Variants in WWC1 observed in about 807,000 individuals in gnomAD.
WWC1 encodes WW and C2 domain containing 1.
A neutral mutation model predicts 138.4 loss-of-function variants in WWC1; 55 were observed. The ratio of observed to expected loss-of-function variants is 0.40; its 90% CI spans 0.32 to 0.50. The LOEUF (loss-of-function observed/expected upper bound fraction) is 0.50. Ranked by LOEUF, WWC1 falls within the 20% of genes least tolerant of loss-of-function variation. The pLI is 0.72. For synonymous variants in WWC1, 524 were observed against 564.9 expected (o/e 0.93, Z 1.03); for missense variants, 1,226 against 1,420.4 (o/e 0.86, Z 2.20).
intron 9 of WWC1, chr5:168,415,535 A>C (rs1780540167): frequency 6.6e-6 from 1 of 152,036 alleles, no homozygotes; most frequent in South Asian, 2.1e-4. Flanking sequence ...AGGCTTTACA[A>C]AGCTCTCCAG....
At chr5:168,318,850 A>G (rs1771828765) in intron 1 of WWC1, among the ~76,000 whole-genome samples, 1 of 151,882 alleles carries the variant, frequency 6.6e-6, no homozygotes, top group African/African-American at 2.4e-5. Context: ...ATGAGCCACC[A>G]TGCCTGGCCT....
chr5:168,433,744 G>A (rs12515918), intron 15 of WWC1, among the ~76,000 whole-genome samples: 23,799 of 152,038 alleles, frequency 0.16, 2,490 homozygotes, highest in East Asian at 0.36. Context: ...TGCCATGTTG[G>A]CCAGGCTGAT....
At chr5:168,352,418 C>T (rs1323068743) in intron 1 of WWC1, among the ~76,000 whole-genome samples, 8 of 152,100 alleles carry the variant, frequency 5.3e-5, no homozygotes, top group Non-Finnish European at 7.4e-5. Context: ...ATTGTTGTTC[C>T]TGTTTTATTA....
chr5:168,355,733 G>C (rs1261672180), intron 1 of WWC1, among the ~76,000 whole-genome samples: 1 of 152,126 alleles, frequency 6.6e-6, no homozygotes, highest in Non-Finnish European at 1.5e-5. Flanking sequence ...GACTTTGAAG[G>C]GGTTGGAGCA....
chr5:168,367,168 C>T (rs1040622783), intron 1 of WWC1, among the ~76,000 whole-genome samples: 3 of 152,036 alleles, frequency 2.0e-5, no homozygotes, highest in African/African-American at 4.8e-5. Flanking sequence ...TATCCTTGCA[C>T]CAACACATAG....
At chr5:168,352,910 A>G (rs1210132347) in intron 1 of WWC1, among the ~76,000 whole-genome samples, 3 of 152,132 alleles carry the variant, frequency 2.0e-5, no homozygotes, top group Non-Finnish European at 4.4e-5. Flanking sequence ...ATTATACAAA[A>G]TAGTACCATC....
chr5:168,359,258 T>G (rs1441077384), intron 1 of WWC1, among the ~76,000 whole-genome samples: 1 of 152,144 alleles, frequency 6.6e-6, no homozygotes, highest in African/African-American at 2.4e-5. Flanking sequence ...TCCACCATGT[T>G]GCCCGGGCTA....
intron 1 of WWC1, among the ~76,000 whole-genome samples, chr5:168,338,933 A>G (rs916826145): frequency 6.6e-6 from 1 of 152,180 alleles, no homozygotes; most frequent in African/African-American, 2.4e-5. Flanking sequence ...ATAGTTAACC[A>G]TATTAATATA....
At chr5:168,427,548 A>ATTTTTTTTTTTTT (rs34177139) in intron 11 of WWC1, among the ~76,000 whole-genome samples, 21 of 101,140 alleles carry the variant, frequency 2.1e-4, no homozygotes, top group Non-Finnish European at 2.6e-4. Flanking sequence ...CTTTTTTTTA[A>ATTTTTTTTTTTTT]TTTTTTTTTT....
At chr5:168,423,490 T>C (rs1398612198) in intron 10 of WWC1, 43 bp from the exon 11 acceptor site, 2 of 1,567,480 alleles carry the variant, frequency 1.3e-6, no homozygotes, top group Non-Finnish European at 1.7e-6. Flanking sequence ...GGGGCCCACT[T>C]CACTGTGTGC....
intron 1 of WWC1, among the ~76,000 whole-genome samples, chr5:168,369,566 C>G (rs2152806142): frequency 1.3e-5 from 2 of 152,330 alleles, no homozygotes; most frequent in South Asian, 4.1e-4. Context: ...CCATACCCGG[C>G]TAATTTAGCA....
In WWC1 at chr5:168,389,195, T is replaced by C. The variant is rs149404698; in HGVS notation, c.433+3781T>C. 2.9e-3 allele frequency among the ~76,000 whole-genome samples: 448 copies of C among 152,198 alleles called. 3 individuals carry two copies. The highest frequency in any genetic ancestry group is 3.9e-3 in the Non-Finnish European group (264 of 68,002). On this transcript the variant is annotated intron_variant, in intron 3 of 22. Coordinates refer to ENST00000265293, the MANE Select transcript of WWC1 (RefSeq NM_015238.3). Reference sequence around the variant, plus strand: ...CAGGTGTGGTGACTCACTTCTGTAATCCCAGCACTTTGGGAGGCTGAGGCA... The same window carrying C: ...CAGGTGTGGTGACTCACTTCTGTAACCCCAGCACTTTGGGAGGCTGAGGCA...
chr5:168,357,303 T>C (rs1472257936), intron 1 of WWC1, among the ~76,000 whole-genome samples: 1 of 145,232 alleles, frequency 6.9e-6, no homozygotes, highest in African/African-American at 2.5e-5. Context: ...CTTTCTCTCT[T>C]ACACACACAC....
At chr5:168,340,580 T>C (rs1398233561) in intron 1 of WWC1, among the ~76,000 whole-genome samples, 2 of 152,144 alleles carry the variant, frequency 1.3e-5, no homozygotes, top group Non-Finnish European at 2.9e-5. Flanking sequence ...AACAGAGTCA[T>C]ACAATATGTG....
chr5:168,300,930 C>T (rs553247024), intron 1 of WWC1, among the ~76,000 whole-genome samples: 1 of 152,312 alleles, frequency 6.6e-6, no homozygotes, highest in South Asian at 2.1e-4. Flanking sequence ...CTACATCTGT[C>T]GTGGCTTTTC....
Position 168,469,378 on chromosome 5 carries a change from C to T in WWC1, c.*361C>T, listed in dbSNP as rs1757567993. 8.8e-6 allele frequency: 2 copies of T among 227,090 alleles called. No individual in the cohort carries two copies. Among genetic ancestry groups the T allele is most frequent in the South Asian group, 1.7e-4 (2 of 12,084 alleles). 14.1% of individuals were successfully genotyped at this position (227,090 alleles called of 1,614,324 possible). ...AGATTTTTTTTGGTTTGTACAGCTC[C>T]ACCTTTTAGAGGTCTTACTGCAATA... On this transcript the variant is annotated 3_prime_UTR_variant, in exon 23 of 23. Transcript: ENST00000265293.
chr5:168,391,315 G>A (rs867578831), intron 3 of WWC1, among the ~76,000 whole-genome samples: 6 of 152,062 alleles, frequency 3.9e-5, no homozygotes, highest in Middle Eastern at 3.2e-3. Flanking sequence ...TGGGAGGATC[G>A]CTTGAGCCCA....
intron 1 of WWC1, among the ~76,000 whole-genome samples, chr5:168,312,333 T>C (rs1346357701): frequency 6.6e-6 from 1 of 152,142 alleles, no homozygotes; most frequent in Non-Finnish European, 1.5e-5. Flanking sequence ...AAGGTACTAA[T>C]ATTGTCGTTA....
chr5:168,452,930 A>C (rs917706566), intron 17 of WWC1, among the ~76,000 whole-genome samples: 2 of 152,196 alleles, frequency 1.3e-5, no homozygotes, highest in African/African-American at 4.8e-5. Flanking sequence ...TTAATGATAA[A>C]AAGGAGTGAA....
Sources: gnomAD v4.1 joint callset for allele counts (sites outside exome capture counted in the v4.1 genomes callset) on GRCh38, gnomAD v4.1.1 for gene constraint, MANE v1.5 for transcripts, NCBI Gene and HGNC (gene_info 2026-07-23, HGNC 2026-07-21) for gene names.